Variants in SLC7A2 observed in about 807,000 individuals in gnomAD.
The protein encoded by SLC7A2 is cationic amino acid transporter 2.
In SLC7A2, 48 loss-of-function variants were observed where a neutral mutation model predicts 58.9. The observed-to-expected ratio is 0.82, with a 90% CI of 0.65 to 1.04. The LOEUF is 1.04. Ranked by LOEUF, SLC7A2 falls within the 50% of genes least tolerant of loss-of-function variation. The pLI, the probability that SLC7A2 is intolerant of heterozygous loss-of-function variation, is 0.00. For missense variants in SLC7A2, 1,029 were observed against 818.8 expected (o/e 1.26, Z -3.13); for synonymous variants, 363 against 314.5 (o/e 1.15, Z -1.63).
chr8:17,559,449 C>T (rs1443934064), intron 9 of SLC7A2, among the ~76,000 whole-genome samples: 2 of 152,098 alleles, frequency 1.3e-5, no homozygotes, highest in Non-Finnish European at 2.9e-5. Context: ...ACCTGTTGTC[C>T]TAGCTACTCA....
At chr8:17,529,359 A>G (rs1446161303) in intron 2 of SLC7A2, among the ~76,000 whole-genome samples, 2 of 103,966 alleles carry the variant, frequency 1.9e-5, no homozygotes, top group African/African-American at 3.4e-5. Context: ...CCAGTCATTT[A>G]TGGCCAGCGA....
In SLC7A2 at chr8:17,565,290, A is replaced by C; in HGVS notation, c.*144A>C. ...CTAATTTATACTTACTCATCTGGAC[A>C]GCATCTCCTCAGATGGTGAATTATG... On this transcript the variant is annotated 3_prime_UTR_variant, in exon 13 of 13. Coordinates refer to ENST00000494857, the MANE Select transcript of SLC7A2 (RefSeq NM_001370338.1). The C allele has an allele frequency of 1.6e-6, 1 of 644,530 alleles. No homozygotes were observed. The highest frequency in any genetic ancestry group is 2.0e-5 in the South Asian group (1 of 48,958). The allele number at this position is 644,530 out of a possible 1,614,324, so 39.9% of individuals were successfully genotyped here.
chr8:17,565,205 C>G lies in SLC7A2; in HGVS notation c.*59C>G. On this transcript the variant is annotated 3_prime_UTR_variant, in exon 13 of 13. Coordinates refer to ENST00000494857, the MANE Select transcript of SLC7A2 (RefSeq NM_001370338.1). Reference sequence around the variant, plus strand: ...CATACATATCCTACACTGAGTAAACCGTAACGGGATGTCATCAGCATGCTG... The same window carrying G: ...CATACATATCCTACACTGAGTAAACGGTAACGGGATGTCATCAGCATGCTG... 3.0e-6 allele frequency: 4 copies of G among 1,342,036 alleles called. No individual in the cohort carries two copies. The highest frequency in any genetic ancestry group is 4.1e-6 in the Non-Finnish European group (4 of 969,426). The allele number at this position is 1,342,036 out of a possible 1,614,324, so 83.1% of individuals were successfully genotyped here. A position where few individuals can be genotyped will look rare whatever the true frequency, so the allele number is the denominator to read the frequency against.
At chr8:17,541,365 C>A (rs185547370) in intron 2 of SLC7A2, among the ~76,000 whole-genome samples, 1 of 152,122 alleles carries the variant, frequency 6.6e-6, no homozygotes, top group Admixed American at 6.5e-5. Context: ...TAGGTTTTGA[C>A]GTTGAAAACC....
intron 2 of SLC7A2, chr8:17,510,930 A>G (rs6992159): frequency 0.27 from 40,863 of 152,170 alleles, 5,798 homozygotes; most frequent in Admixed American, 0.36. Context: ...ATAAAAAGGA[A>G]TGCGATCATA....
At chr8:17,519,237 G>A (rs1326878518) in intron 2 of SLC7A2, among the ~76,000 whole-genome samples, 4 of 152,146 alleles carry the variant, frequency 2.6e-5, no homozygotes, top group Non-Finnish European at 2.9e-5. Context: ...GGGTTGATAG[G>A]TAATTCAGTT....
chr8:17,533,530 G>A (rs528722807), intron 2 of SLC7A2, among the ~76,000 whole-genome samples: 1 of 152,164 alleles, frequency 6.6e-6, no homozygotes. Flanking sequence ...TAACTTTTAC[G>A]GGGTGGGTGC....
At position 17,497,403 on chromosome 8, in the gene SLC7A2, G is replaced by A. The variant is rs535580602; in HGVS notation, c.-69+166G>A. ...TCCAGCTGCGCGCAGCTGCCCTGAGGCCGCGCTCCAGCGAGTCTTCGTCAG... is the reference window on the plus strand; with the variant it reads ...TCCAGCTGCGCGCAGCTGCCCTGAGACCGCGCTCCAGCGAGTCTTCGTCAG... On this transcript the variant is annotated intron_variant, in intron 1 of 12. Coordinates refer to ENST00000494857, the MANE Select transcript of SLC7A2 (RefSeq NM_001370338.1). Among the ~76,000 whole-genome samples the A allele has an allele frequency of 3.6e-3, 544 of 152,212 alleles. 2 individuals are homozygous for A. Among genetic ancestry groups the A allele is most frequent in the African/African-American group, 0.013 (523 of 41,570 alleles).
intron 2 of SLC7A2, 51 bp downstream of exon 2, chr8:17,502,353 G>T (rs906828801): frequency 6.6e-6 from 1 of 151,536 alleles, no homozygotes; most frequent in Admixed American, 6.6e-5. Context: ...AAAAAGGACT[G>T]ATAAAAAAAA....
chr8:17,505,835 G>T (rs1359453291), intron 2 of SLC7A2, among the ~76,000 whole-genome samples: 1 of 152,144 alleles, frequency 6.6e-6, no homozygotes, highest in East Asian at 1.9e-4. Context: ...CAGTTGAGTA[G>T]AACTGAATCA....
intron 1 of SLC7A2, among the ~76,000 whole-genome samples, chr8:17,498,196 G>C (rs1445162671): frequency 6.6e-6 from 1 of 152,142 alleles, no homozygotes. Flanking sequence ...TTATCTAGAC[G>C]TTTGTGCAGA....
At chr8:17,498,418 A>G (rs1440083819) in intron 1 of SLC7A2, among the ~76,000 whole-genome samples, 1 of 152,120 alleles carries the variant, frequency 6.6e-6, no homozygotes, top group African/African-American at 2.4e-5. Flanking sequence ...TCTCTAGGAG[A>G]TGTATAAGAT....
chr8:17,559,820 A>G (rs2588252), intron 9 of SLC7A2, among the ~76,000 whole-genome samples: 92,185 of 151,940 alleles, frequency 0.61, 29,339 homozygotes, highest in African/African-American at 0.79. Context: ...AAGGAAAATG[A>G]CATGCAATGG....
chr8:17,541,979 A>G (rs1379395621), intron 2 of SLC7A2, among the ~76,000 whole-genome samples: 7 of 150,780 alleles, frequency 4.6e-5, no homozygotes, highest in Admixed American at 2.6e-4. Flanking sequence ...TACTTTATTC[A>G]TTCCATTTTT....
intron 2 of SLC7A2, among the ~76,000 whole-genome samples, chr8:17,505,475 C>G (rs1800328096): frequency 6.6e-6 from 1 of 152,130 alleles, no homozygotes; most frequent in Non-Finnish European, 1.5e-5. Flanking sequence ...AATGACCCTT[C>G]TCAACTAGTG....
At position 17,554,700 on chromosome 8, in the gene SLC7A2, G is replaced by A; in HGVS notation, c.1195+1G>A. 1.2e-6 allele frequency: 2 copies of A among 1,605,004 alleles called. No homozygotes were observed. Among genetic ancestry groups the A allele is most frequent in the Non-Finnish European group, 8.5e-7 (1 of 1,177,158 alleles). The stretch of plus-strand genomic sequence containing the variant: ...ACTTTATCATCGGGTGCAGTGGCAG[G>A]TGAGAGAGAGTTGACTTTTCTTCAG... On this transcript the variant is annotated splice_donor_variant, in intron 8 of 12. Transcript: ENST00000494857. LOFTEE classifies it high-confidence loss of function.
chr8:17,548,895 T>A, intron 5 of SLC7A2, 52 bp downstream of exon 5: 1 of 1,443,522 alleles, frequency 6.9e-7, no homozygotes, highest in Non-Finnish European at 9.6e-7. Context: ...GAAAATATTT[T>A]AAGTGGGTGT....
intron 4 of SLC7A2, among the ~76,000 whole-genome samples, chr8:17,545,874 A>G (rs1802147293): frequency 6.6e-6 from 1 of 152,202 alleles, no homozygotes; most frequent in South Asian, 2.1e-4. Context: ...GAAGAGTGAG[A>G]CAGAAATATC....
At chr8:17,526,850 C>T (rs750278342) in intron 2 of SLC7A2, among the ~76,000 whole-genome samples, 7 of 152,004 alleles carry the variant, frequency 4.6e-5, no homozygotes, top group Admixed American at 2.6e-4. Context: ...ATTACACTGG[C>T]GAATTTGGAA....
Sources: allele counts gnomAD v4.1 joint callset (sites outside exome capture counted in the v4.1 genomes callset), GRCh38; gene constraint gnomAD v4.1.1; transcripts MANE v1.5; gene names NCBI Gene and HGNC (gene_info 2026-07-23, HGNC 2026-07-21).